The following ATXN7L2 variants were observed in gnomAD, a reference collection of about 807,000 sequenced individuals.
ATXN7L2 encodes the protein ataxin-7-like protein 2.
In ATXN7L2, 17 loss-of-function variants were observed where a neutral mutation model predicts 59.6. That is an observed-to-expected ratio of 0.29 (90% confidence interval 0.20 to 0.43). The LOEUF (loss-of-function observed/expected upper bound fraction) is 0.43. Ranked by LOEUF, ATXN7L2 falls within the 20% of genes least tolerant of loss-of-function variation. The probability of loss-of-function intolerance (pLI) is 1.00; values close to 1 mark genes in which losing one functional copy is unlikely to be tolerated. For missense variants in ATXN7L2, 858 were observed against 1,008.9 expected, an observed-to-expected ratio of 0.85 and a Z score of 2.03; for synonymous variants, 378 against 392.5, an observed-to-expected ratio of 0.96 and a Z score of 0.44.
At position 109,491,398 on chromosome 1, in the gene ATXN7L2, G is replaced by A; in HGVS notation, c.1931G>A (p.Gly644Glu). The A allele has an allele frequency of 6.2e-7, 1 of 1,614,242 alleles. No individual in the cohort carries two copies. The highest frequency in any genetic ancestry group is 1.1e-5 in the South Asian group (1 of 91,092). ...AAAACTAAAACAGCCCTGAGCATGG[G>A]GCTTAATGGGACAATGGGGCCAAGA... Reference protein sequence around the residue: ...SAKTKTALSMGLNGTMGPRVK... With the variant: ...SAKTKTALSMELNGTMGPRVK... Residue 644 changes from glycine (G) to glutamate (E), a missense_variant, in exon 10 of 11, where the codon GGG (glycine) becomes GAG (glutamate). By Grantham distance (98) the Gly-to-Glu change is moderately conservative. Coordinates refer to ENST00000683729, the MANE Select transcript of ATXN7L2 (RefSeq NM_001350175.2). This position sits in a 1 kb window ranked among gnomAD's most constrained non-coding sequence, Gnocchi z 4.1.
In ATXN7L2 at chr1:109,488,363, T is replaced by G. The variant is rs769414525; in HGVS notation, c.797-20T>G. 5 of 1,584,000 alleles carry G rather than the reference T, an allele frequency of 3.2e-6. No individual in the cohort carries two copies. In the South Asian group the frequency reaches 5.7e-5, roughly 18 times the overall value. On this transcript the variant is annotated intron_variant, in intron 5 of 10. Transcript: ENST00000683729. The surrounding 1 kb of genome is among the most constrained non-coding windows in gnomAD (Gnocchi z 5.0). ...TCCTGGAAATGGTCTTGAGGTTCAT[T>G]GGAAGTGCTTTCCCCACAGGGAAGG...
intron 10 of ATXN7L2, chr1:109,492,023 C>T (rs1657123785): frequency 1.7e-6 from 2 of 1,166,012 alleles, no homozygotes; most frequent in African/African-American, 3.1e-5. Context: ...GACCCTCATT[C>T]CAGGTACTGG....
chr1:109,485,626 G>A (rs1448922257), intron 1 of ATXN7L2: 1 of 986,620 alleles, frequency 1.0e-6, no homozygotes, highest in South Asian at 4.7e-5. Flanking sequence ...AGAGACTCAG[G>A]GACTTATAGA....
chr1:109,485,875 C>T, intron 1 of ATXN7L2, 182 bp from the exon 2 acceptor site: 1 of 1,249,670 alleles, frequency 8.0e-7, no homozygotes. Context: ...CCAAGTGGTC[C>T]TAGCACCAGG....
chr1:109,490,235 G>A, intron 8 of ATXN7L2, 36 bp from the exon 9 acceptor site: 1 of 1,610,338 alleles, frequency 6.2e-7, no homozygotes, highest in Non-Finnish European at 8.5e-7. Context: ...GTGCACCCCA[G>A]ACCCTGCCAA....
chr1:109,492,018 T>A, intron 10 of ATXN7L2: 1 of 1,173,320 alleles, frequency 8.5e-7, no homozygotes, highest in Non-Finnish European at 1.1e-6. Flanking sequence ...GCTGTGACCC[T>A]CATTCCAGGT....
chr1:109,486,507 C>T lies in ATXN7L2; in HGVS notation c.195C>T (p.Asp65=), dbSNP rs115407189. 224 of 1,611,444 alleles carry T rather than the reference C, an allele frequency of 1.4e-4. No homozygotes were observed. In the African/African-American group the frequency reaches 2.5e-3, roughly 18 times the overall value. ...KLDAMTLIKE[D]MSIFGHCPAH... ...TGACATGGGCTTCTGTCATTGCAGA[C>T]ATGTCCATCTTCGGGCACTGCCCTG... The change falls in exon 3 of 11, where the codon GAC becomes GAT. Residue 65 remains aspartate (D), a splice_region_variant and synonymous_variant. Coordinates refer to ENST00000683729, the MANE Select transcript of ATXN7L2 (RefSeq NM_001350175.2). This position sits in a 1 kb window ranked among gnomAD's most constrained non-coding sequence, Gnocchi z 4.3.
In ATXN7L2 at chr1:109,486,744, T is replaced by C; in HGVS notation, c.298+134T>C. 1 of 813,960 alleles carries C rather than the reference T, an allele frequency of 1.2e-6. No homozygotes were observed. Among genetic ancestry groups the C allele is most frequent in the Non-Finnish European group, 1.9e-6 (1 of 518,438 alleles). 50.4% of individuals were successfully genotyped at this position (813,960 alleles called of 1,614,324 possible). On this transcript the variant is annotated intron_variant, in intron 3 of 10. Coordinates refer to ENST00000683729, the MANE Select transcript of ATXN7L2 (RefSeq NM_001350175.2). This position sits in a 1 kb window ranked among gnomAD's most constrained non-coding sequence, Gnocchi z 4.3. ...AGGATAGGAAGGTTGTGGGGGTGGC[T>C]TCAGAGCATTGTGGGGAGTCGGGTT...
At chr1:109,485,928 C>T in intron 1 of ATXN7L2, 129 bp from the exon 2 acceptor site, 2 of 1,352,066 alleles carry the variant, frequency 1.5e-6, no homozygotes, top group Non-Finnish European at 9.6e-7. Context: ...GAGCTGCAGG[C>T]CCTGCTTGGG....
rs910575447 is a variant in ATXN7L2 at position 109,492,250 on chromosome 1, G to A, written c.2251-336G>A. The A allele has an allele frequency of 4.0e-5, 21 of 521,384 alleles. No individual in the cohort carries two copies. In the South Asian group the frequency reaches 1.7e-3, roughly 41 times the overall value. 32.3% of individuals were successfully genotyped at this position (521,384 alleles called of 1,614,324 possible). Reference sequence around the variant, plus strand: ...TTCTCCAGGGTTTCCAGTAAAGCCTGCAGCCAGTTTTATTTGCCTCTTCTG... The same window carrying A: ...TTCTCCAGGGTTTCCAGTAAAGCCTACAGCCAGTTTTATTTGCCTCTTCTG... On this transcript the variant is annotated intron_variant, in intron 10 of 10. Coordinates refer to ENST00000683729, the MANE Select transcript of ATXN7L2 (RefSeq NM_001350175.2).
intron 1 of ATXN7L2, 97 bp downstream of exon 1, chr1:109,484,177 G>A (rs1656396971): frequency 5.1e-6 from 6 of 1,175,038 alleles, no homozygotes; most frequent in Middle Eastern, 3.2e-4. Context: ...GACTGGAGCC[G>A]CCGTCCGGCT....
chr1:109,485,215 T>C, intron 1 of ATXN7L2: 1 of 815,062 alleles, frequency 1.2e-6, no homozygotes, highest in Non-Finnish European at 1.5e-6. Context: ...TCAGAATTGA[T>C]TTTTTTTTTC....
In ATXN7L2 at chr1:109,490,020, G is replaced by T; in HGVS notation, c.1224G>T (p.Arg408=). ...GCCTGTTCCCCTTCCCCATGCCCCG[G>T]GGTGGGACCCAGGCCTCCAGCGAAG... The part of the protein sequence containing the change: ...DPGLFPFPMP[R]GGTQASSEES... The change falls in exon 8 of 11, where the codon CGG becomes CGT. Residue 408 remains arginine (R), a synonymous_variant. Coordinates refer to ENST00000683729, the MANE Select transcript of ATXN7L2 (RefSeq NM_001350175.2). 1 of 1,613,090 alleles carries T rather than the reference G, an allele frequency of 6.2e-7. No individual in the cohort carries two copies. The highest frequency in any genetic ancestry group is 8.5e-7 in the Non-Finnish European group (1 of 1,179,624).
chr1:109,484,233 C>T (rs1030979865), intron 1 of ATXN7L2, among the ~76,000 whole-genome samples, 153 bp downstream of exon 1: 1 of 151,978 alleles, frequency 6.6e-6, no homozygotes, highest in Non-Finnish European at 1.5e-5. Context: ...AGTGCCCGCC[C>T]GCTCCGTCAC....
rs1242060744 is a variant in ATXN7L2, at chr1:109,486,132, G to A, written c.193+10G>A. ...ACCCTCATTAAAGAAGGTGGGAGTCGACACACATTAGGGCTGGGACCCAGG... is the reference window on the plus strand; with the variant it reads ...ACCCTCATTAAAGAAGGTGGGAGTCAACACACATTAGGGCTGGGACCCAGG... On this transcript the variant is annotated intron_variant, in intron 2 of 10. Coordinates refer to ENST00000683729, the MANE Select transcript of ATXN7L2 (RefSeq NM_001350175.2). This position sits in a 1 kb window ranked among gnomAD's most constrained non-coding sequence, Gnocchi z 4.3. The A allele has an allele frequency of 1.9e-6, 3 of 1,582,390 alleles. No homozygotes were observed. The highest frequency in any genetic ancestry group is 2.3e-5 in the East Asian group (1 of 43,946).
At chr1:109,485,632 A>G in intron 1 of ATXN7L2, 1 of 986,980 alleles carries the variant, frequency 1.0e-6, no homozygotes, top group Non-Finnish European at 1.2e-6. Context: ...TCAGGGACTT[A>G]TAGAAACATT....
rs145282300 is a variant in ATXN7L2, at chr1:109,489,031, C to T, written c.1064C>T (p.Ala355Val). 4.9e-5 allele frequency: 79 copies of T among 1,614,146 alleles called. No homozygotes were observed. In the African/African-American group the frequency reaches 6.9e-4, roughly 14 times the overall value. The change falls in exon 7 of 11, where the codon GCG becomes GTG. Residue 355 changes from alanine (A) to valine (V), a missense_variant. Around this residue, in one of 3 missense-constraint regions of ATXN7L2, gnomAD observed 734 missense variants for 862.3 expected, o/e 0.85. Coordinates refer to ENST00000683729, the MANE Select transcript of ATXN7L2 (RefSeq NM_001350175.2). Reference sequence around the variant, plus strand: ...CCCTCCTCAGTCCAGGTTGTAGCAGCGGTGGCTGCTCCCAGCAGCACCTTC... The same window carrying T: ...CCCTCCTCAGTCCAGGTTGTAGCAGTGGTGGCTGCTCCCAGCAGCACCTTC... ...ELPSSVQVVA[A>V]VAAPSSTFSV...
At chr1:109,489,341 A>C (rs1345623633) in intron 7 of ATXN7L2, 1 of 561,668 alleles carries the variant, frequency 1.8e-6, no homozygotes, top group Non-Finnish European at 3.1e-6. Flanking sequence ...CAGGATATGA[A>C]CATTTTCCCA....
intron 7 of ATXN7L2, 198 bp downstream of exon 7, chr1:109,489,298 C>T (rs1478608613): frequency 3.0e-5 from 20 of 668,586 alleles, no homozygotes; most frequent in Admixed American, 9.1e-5. Context: ...CCACAGCACC[C>T]CAGCCTCTCG....
Sources: allele counts gnomAD v4.1 joint callset (sites outside exome capture counted in the v4.1 genomes callset), GRCh38; gene constraint gnomAD v4.1.1; regional missense constraint gnomAD v4.1.1; non-coding constraint Gnocchi (gnomAD v3.1); transcripts MANE v1.5; gene names NCBI Gene and HGNC (gene_info 2026-07-23, HGNC 2026-07-21).